AKR1C3: variants seen among roughly 807,000 people sequenced by gnomAD.
AKR1C3 encodes 3-alpha hydroxysteroid dehydrogenase, type II.
AKR1C3 carries 48 observed loss-of-function variants against 43.6 expected under a neutral mutation model. The observed-to-expected ratio is 1.10, with a 90% CI of 0.87 to 1.40. The LOEUF is 1.40. AKR1C3 is among the 40% of genes most tolerant of loss of function. The pLI is 0.00. For missense variants in AKR1C3, 482 were observed against 391.2 expected, an observed-to-expected ratio of 1.23 and a Z score of -1.96; for synonymous variants, 162 against 139.6, an observed-to-expected ratio of 1.16 and a Z score of -1.13.
In AKR1C3 at chr10:5,096,472, A is replaced by T; in HGVS notation, c.147A>T (p.Ile49=). Residue 49 remains isoleucine, a synonymous_variant, in exon 2 of 9, where the codon ATA becomes ATT. Transcript: ENST00000380554. ...KLAIEAGFRH[I]DSAHLYNNEE... is the part of the protein sequence containing the mutation. ...CAATAGAAGCTGGGTTCCGCCATAT[A>T]GATTCTGCTCATTTATACAATAATG... is the stretch of plus-strand genomic sequence containing the variant. The T allele has an allele frequency of 6.2e-7, 1 of 1,613,846 alleles. No homozygotes were observed. The highest frequency in any genetic ancestry group is 8.5e-7 in the Non-Finnish European group (1 of 1,179,776).
rs1554787088 is a variant in AKR1C3 at position 5,105,696 on chromosome 10, T to C, written c.929+19T>C. 3.2e-6 allele frequency: 5 copies of C among 1,581,146 alleles called. No homozygotes were observed. The highest frequency in any genetic ancestry group is 3.5e-6 in the Non-Finnish European group (4 of 1,151,404). ...GTGATAGGTAAGTTTCCTTTGTAAATGGGTGATCTAATTTATTTCTGGAGA... is the reference window on the plus strand; with the variant it reads ...GTGATAGGTAAGTTTCCTTTGTAAACGGGTGATCTAATTTATTTCTGGAGA... On this transcript the variant is annotated intron_variant, in intron 8 of 8. Coordinates refer to ENST00000380554, the MANE Select transcript of AKR1C3 (RefSeq NM_003739.6).
rs781852371 is a variant in AKR1C3 at position 5,099,479 on chromosome 10, G to A, written c.570+30G>A. The A allele has an allele frequency of 3.1e-6, 5 of 1,613,798 alleles. No individual in the cohort carries two copies. The African/African-American group carries it at 5.3e-5, about 17-fold the overall frequency. ...GCTCCCTTGGCCTTCTCTCCTTTCG[G>A]TTCTTCATGCCCCCTCTTCCTGTCC... On this transcript the variant is annotated intron_variant, in intron 5 of 8. Transcript: ENST00000380554.
intron 1 of AKR1C3, chr10:5,080,824 TAACA>T (rs1486429942): frequency 5.3e-5 from 8 of 152,212 alleles, no homozygotes; most frequent in African/African-American, 1.9e-4. Flanking sequence ...CACTGTGTAG[TAACA>T]AACCAACACA....
At chr10:5,091,067 C>A (rs968656028), upstream of AKR1C3, among the ~76,000 whole-genome samples, 1 of 151,566 alleles carries the variant, frequency 6.6e-6, no homozygotes, top group Non-Finnish European at 1.5e-5. Context: ...GAGTGTAGAA[C>A]ATGTTCAAAT....
chr10:5,090,320 C>G (rs966723050), upstream of AKR1C3, among the ~76,000 whole-genome samples: 2 of 152,062 alleles, frequency 1.3e-5, no homozygotes, highest in Non-Finnish European at 2.9e-5. Flanking sequence ...GCATGAAGTT[C>G]TCTGTGGGGG....
chr10:5,091,508 A>G, upstream of AKR1C3, among the ~76,000 whole-genome samples: 1 of 152,170 alleles, frequency 6.6e-6, no homozygotes, highest in East Asian at 1.9e-4. Flanking sequence ...TCATATCCTC[A>G]TATCCTTAAT....
intron 1 of AKR1C3, among the ~76,000 whole-genome samples, chr10:5,083,841 T>A (rs1394434810): frequency 2.6e-5 from 4 of 152,308 alleles, no homozygotes; most frequent in African/African-American, 9.6e-5. Context: ...ATGATGAGCA[T>A]TTTTTCATGT....
intron 5 of AKR1C3, among the ~76,000 whole-genome samples, chr10:5,100,599 C>T (rs1218464427): frequency 6.6e-6 from 1 of 152,110 alleles, no homozygotes; most frequent in Non-Finnish European, 1.5e-5. Flanking sequence ...GTCACTCTAC[C>T]TTTTTGCTAA....
chr10:5,061,167 G>T (rs1232979838), intron 1 of AKR1C3, among the ~76,000 whole-genome samples: 1 of 152,230 alleles, frequency 6.6e-6, no homozygotes, highest in Non-Finnish European at 1.5e-5. Flanking sequence ...CCGAGAGTGA[G>T]CGAGGACTGC....
intron 5 of AKR1C3, 53 bp from the exon 6 acceptor site, chr10:5,102,048 T>C: frequency 1.8e-6 from 2 of 1,136,266 alleles, no homozygotes; most frequent in Admixed American, 3.7e-5. Flanking sequence ...CTTTTCAATA[T>C]TAACATAACT....
At chr10:5,055,662 A>T (rs1838244842) in intron 1 of AKR1C3, among the ~76,000 whole-genome samples, 1 of 127,966 alleles carries the variant, frequency 7.8e-6, no homozygotes, top group South Asian at 2.9e-4. Flanking sequence ...CAAGAGCTAT[A>T]CTGGCTCTCT....
At chr10:5,102,008 C>A in intron 5 of AKR1C3, 93 bp from the exon 6 acceptor site, 1 of 792,762 alleles carries the variant, frequency 1.3e-6, no homozygotes, top group Non-Finnish European at 2.1e-6. Context: ...TAATGCTATA[C>A]TGATTATTAT....
chr10:5,062,541 T>TAC (rs1267089964), intron 1 of AKR1C3, among the ~76,000 whole-genome samples: 1 of 152,158 alleles, frequency 6.6e-6, no homozygotes, highest in African/African-American at 2.4e-5. Context: ...CCTTAGCATG[T>TAC]CTCAAGCAAA....
chr10:5,062,502 C>G (rs1838400637), intron 1 of AKR1C3, among the ~76,000 whole-genome samples: 1 of 152,178 alleles, frequency 6.6e-6, no homozygotes, highest in South Asian at 2.1e-4. Context: ...TGCTCTACAT[C>G]TCCGTATTAG....
chr10:5,093,441 T>G (rs978000986), upstream of AKR1C3: 3 of 152,258 alleles, frequency 2.0e-5, no homozygotes, highest in South Asian at 6.2e-4. Context: ...TTGCAAGTTC[T>G]GACAACTCCA....
intron 1 of AKR1C3, among the ~76,000 whole-genome samples, chr10:5,085,711 T>C (rs1394062164): frequency 3.0e-4 from 45 of 151,850 alleles, no homozygotes; most frequent in Non-Finnish European, 4.0e-4. Flanking sequence ...GTCCTGGACT[T>C]TTTTTGGTTG....
At chr10:5,079,186 C>T (rs1838778021) in intron 1 of AKR1C3, among the ~76,000 whole-genome samples, 1 of 152,106 alleles carries the variant, frequency 6.6e-6, no homozygotes, top group African/African-American at 2.4e-5. Context: ...TGCTCTTGTC[C>T]AGTGTGTCTG....
chr10:5,066,575 A>AG (rs1838506768), intron 1 of AKR1C3, among the ~76,000 whole-genome samples: 2 of 152,316 alleles, frequency 1.3e-5, no homozygotes, highest in Non-Finnish European at 2.9e-5. Flanking sequence ...CAACGAGACT[A>AG]TTATTATGAC....
At position 5,105,661 on chromosome 10, in the gene AKR1C3, T is replaced by C; in HGVS notation, c.913T>C (p.Tyr305His). The C allele has an allele frequency of 6.2e-7, 1 of 1,613,400 alleles. No homozygotes were observed. The change falls in exon 8 of 9, where the codon TAT becomes CAT. Residue 305 changes from tyrosine (Y) to histidine (H), a missense_variant. Tyr to His is a moderately conservative substitution (Grantham distance 83, BLOSUM62 2). Transcript: ENST00000380554. ...AIDGLDRNLH[Y>H]FNSDSFASHP... Reference sequence around the variant, plus strand: ...AGATGGCCTAGACAGAAATCTCCACTATTTTAACAGTGATAGGTAAGTTTC... The same window carrying C: ...AGATGGCCTAGACAGAAATCTCCACCATTTTAACAGTGATAGGTAAGTTTC...
Sources: gnomAD v4.1 joint callset for allele counts (sites outside exome capture counted in the v4.1 genomes callset) on GRCh38, gnomAD v4.1.1 for gene constraint, MANE v1.5 for transcripts, NCBI Gene and HGNC (gene_info 2026-07-23, HGNC 2026-07-21) for gene names.